FLT4: variants seen among roughly 807,000 people sequenced by gnomAD.
FLT4 encodes vascular endothelial growth factor receptor 3.
In FLT4, 30 loss-of-function variants were observed where a neutral mutation model predicts 163.2. That is an observed-to-expected ratio of 0.18 (90% CI 0.14 to 0.25). The LOEUF (loss-of-function observed/expected upper bound fraction) is 0.25, where lower values mean the gene tolerates loss of function less well. FLT4 is among the 10% of genes least tolerant of loss of function. The pLI is 1.00. For synonymous variants in FLT4, 884 were observed against 789.5 expected (o/e 1.12, Z -2.01); for missense variants, 1,510 against 1,863.8 (o/e 0.81, Z 3.50).
At chr5:180,635,926 T>TGGATGGAC (rs1162085096) in intron 1 of FLT4, among the ~76,000 whole-genome samples, 1 of 102,002 alleles carries the variant, frequency 9.8e-6, no homozygotes, top group East Asian at 3.0e-4. Context: ...GGTGGATGGA[T>TGGATGGAC]GGATGGACGG....
Position 180,603,128 on chromosome 5 carries a change from C to T in FLT4, c.*64G>A. The T allele has an allele frequency of 1.3e-6, 2 of 1,534,032 alleles. No homozygotes were observed. The highest frequency in any genetic ancestry group is 1.8e-6 in the Non-Finnish European group (2 of 1,112,256). The stretch of plus-strand genomic sequence containing the variant: ...CCAGATGAGTTCCCAGCCTGGGCCT[C>T]CAGCCCTCTGCCCGCCCTGCCGGGC... On this transcript the variant is annotated 3_prime_UTR_variant, in exon 30 of 30. Coordinates refer to ENST00000261937, the MANE Select transcript of FLT4 (RefSeq NM_182925.5).
chr5:180,603,437 G>A, intron 29 of FLT4, 47 bp from the exon 30 acceptor site: 1 of 1,568,208 alleles, frequency 6.4e-7, no homozygotes, highest in Non-Finnish European at 8.7e-7. Context: ...AAGGCTGGGT[G>A]GCGGGTGGTG....
rs34419336 is a variant in FLT4 at position 180,620,793 on chromosome 5, G to C, written c.2300-78C>G. On this transcript the variant is annotated intron_variant, in intron 15 of 29. Transcript: ENST00000261937. This position sits in a 1 kb window ranked among gnomAD's most constrained non-coding sequence, Gnocchi z 4.4. The stretch of plus-strand genomic sequence containing the variant: ...ACCTGCAGGCAGCACCCCTTCTGGT[G>C]GCCACGACTTGCCCAAGGTGGCCAC... 0.22 allele frequency: 351,627 copies of C among 1,600,870 alleles called. 40,520 individuals carry two copies. Among genetic ancestry groups the C allele is most frequent in the Middle Eastern group, 0.24 (1,337 of 5,570 alleles).
At chr5:180,640,868 C>T (rs541915050) in intron 1 of FLT4, among the ~76,000 whole-genome samples, 9 of 152,324 alleles carry the variant, frequency 5.9e-5, no homozygotes, top group African/African-American at 2.2e-4. Flanking sequence ...GGGACAGGGT[C>T]CCGGCCCTCT....
Position 180,625,980 on chromosome 5 carries a change from C to T in FLT4, c.1310G>A (p.Arg437His), listed in dbSNP as rs866937901. 8 of 1,612,596 alleles carry T rather than the reference C, an allele frequency of 5.0e-6. No homozygotes were observed. Among genetic ancestry groups the T allele is most frequent in the East Asian group, 2.2e-5 (1 of 44,888 alleles). The change falls in exon 10 of 30, where the codon CGT (arginine) becomes CAT (histidine). Residue 437 changes from arginine to histidine, a missense_variant. Around this residue, in one of 5 missense-constraint regions of FLT4, gnomAD observed 878 missense variants for 1,016.7 expected, o/e 0.86. Transcript: ENST00000261937. ...KEASSPSIYS[R>H]HSRQALTCTA... is the part of the protein sequence containing the mutation. ...GCAGGTGAGGGCCTGGCGGCTGTGA[C>T]GCGAGTAGATGCTGGGGGAGGAGGC...
intron 25 of FLT4, 118 bp from the exon 26 acceptor site, chr5:180,612,729 A>G: frequency 1.4e-6 from 1 of 730,834 alleles, no homozygotes; most frequent in East Asian, 2.7e-5. Flanking sequence ...CACGTCTCCC[A>G]CTCTTGTCCA....
At chr5:180,638,725 C>T (rs1435397964) in intron 1 of FLT4, among the ~76,000 whole-genome samples, 1 of 152,218 alleles carries the variant, frequency 6.6e-6, no homozygotes, top group Non-Finnish European at 1.5e-5. Flanking sequence ...ACTTCTCACG[C>T]TAAGGACTCA....
At chr5:180,606,543 A>C (rs893083821) in intron 29 of FLT4, among the ~76,000 whole-genome samples, 7 of 152,220 alleles carry the variant, frequency 4.6e-5, no homozygotes, top group Non-Finnish European at 8.8e-5. Context: ...TAGCTGAGCC[A>C]CAGGCCTGGG....
intron 1 of FLT4, among the ~76,000 whole-genome samples, chr5:180,646,781 G>A (rs937432229): frequency 2.0e-5 from 3 of 152,128 alleles, no homozygotes; most frequent in Admixed American, 1.3e-4. Context: ...TCCCTGGGTC[G>A]GGGTGCCACT....
At chr5:180,634,895 T>A (rs1764458307) in intron 1 of FLT4, among the ~76,000 whole-genome samples, 1 of 46,930 alleles carries the variant, frequency 2.1e-5, no homozygotes, top group Non-Finnish European at 4.3e-5. Flanking sequence ...GATGGATGCA[T>A]GGATGGATGG....
rs1163848821 is a variant in FLT4 at position 180,603,423 on chromosome 5, G to C, written c.3894-33C>G. Reference sequence around the variant, plus strand: ...GACAGGGAAGGTGGTGTTAGTAAGAGAAGAAGGCTGGGTGGCGGGTGGTGC... The same window carrying C: ...GACAGGGAAGGTGGTGTTAGTAAGACAAGAAGGCTGGGTGGCGGGTGGTGC... On this transcript the variant is annotated intron_variant, in intron 29 of 29. Transcript: ENST00000261937. 6 of 1,603,770 alleles carry C rather than the reference G, an allele frequency of 3.7e-6. No homozygotes were observed. In the African/African-American group the frequency reaches 5.4e-5, roughly 14 times the overall value.
Position 180,618,760 on chromosome 5 carries a change from A to G in FLT4, c.3001+10T>C. On this transcript the variant is annotated intron_variant, in intron 21 of 29. Coordinates refer to ENST00000261937, the MANE Select transcript of FLT4 (RefSeq NM_182925.5). ...AGGCACTAGGAAAAGGGAAGAGGCC[A>G]GGCTCTCACCTTCTTGGTCTGGAGA... The G allele has an allele frequency of 1.3e-6, 2 of 1,584,064 alleles. No individual in the cohort carries two copies. Among genetic ancestry groups the G allele is most frequent in the African/African-American group, 2.7e-5 (2 of 74,290 alleles).
At chr5:180,644,466 C>T (rs1765368945) in intron 1 of FLT4, among the ~76,000 whole-genome samples, 1 of 152,248 alleles carries the variant, frequency 6.6e-6, no homozygotes, top group African/African-American at 2.4e-5. Flanking sequence ...AGGGCATTCC[C>T]TGGGGAATGT....
intron 1 of FLT4, 57 bp from the exon 2 acceptor site, chr5:180,631,835 TG>T: frequency 8.0e-7 from 1 of 1,245,622 alleles, no homozygotes; most frequent in Non-Finnish European, 1.2e-6. Context: ...ACGACGTTGA[TG>T]GGGCATGGCT....
upstream of FLT4, among the ~76,000 whole-genome samples, chr5:180,650,295 T>A (rs575747101): frequency 4.2e-4 from 63 of 151,740 alleles, no homozygotes; most frequent in African/African-American, 1.4e-3. Context: ...ACCCCCTCCC[T>A]GCAGGCCTGG....
At chr5:180,606,920 C>A (rs10060637) in intron 29 of FLT4, among the ~76,000 whole-genome samples, 44,476 of 141,746 alleles carry the variant, frequency 0.31, 7,022 homozygotes, top group Middle Eastern at 0.41. Flanking sequence ...AAAAAACAAA[C>A]AAACAAACTT....
rs1036971726 is a variant in FLT4 at position 180,601,818 on chromosome 5, C to T, written c.*1374G>A. 16 of 232,598 alleles carry T rather than the reference C, an allele frequency of 6.9e-5. No individual in the cohort carries two copies. Among genetic ancestry groups the T allele is most frequent in the African/African-American group, 2.4e-4 (11 of 45,216 alleles). The allele number at this position is 232,598 out of a possible 1,614,324, so 14.4% of individuals were successfully genotyped here. On this transcript the variant is annotated 3_prime_UTR_variant, in exon 30 of 30. Transcript: ENST00000261937. The stretch of plus-strand genomic sequence containing the variant: ...GTGCACTCGGCATATCCTGGAGTAA[C>T]GCGCAGTGGGGGAGGTGGGGAGGGG...
rs755954734 is a variant in FLT4 at position 180,612,514 on chromosome 5, C to A, written c.3529G>T (p.Gly1177Cys). 2.5e-6 allele frequency: 4 copies of A among 1,612,850 alleles called. No individual in the cohort carries two copies. Among genetic ancestry groups the A allele is most frequent in the Non-Finnish European group, 3.4e-6 (4 of 1,178,876 alleles). Residue 1177 changes from glycine (G) to cysteine (C), a missense_variant, in exon 26 of 30, where the codon GGC becomes TGC. Physicochemically the swap from Gly to Cys is radical, Grantham distance 159. Around this residue, in one of 5 missense-constraint regions of FLT4, gnomAD observed 295 missense variants for 311.0 expected, o/e 0.95. Coordinates refer to ENST00000261937, the MANE Select transcript of FLT4 (RefSeq NM_182925.5). ...EILGDLLQGR[G>C]LQEEEEVCMA... ...GTGGGGAAGGGGCTCACTTGCAGGC[C>A]CCTGCCCTGGAGCAGGTCCCCCAGG...
At chr5:180,619,426 C>CTGGCCGCTTAGCTAAGGCACCG in intron 18 of FLT4, 60 bp from the exon 19 acceptor site, 3 of 1,390,156 alleles carry the variant, frequency 2.2e-6, no homozygotes, top group Non-Finnish European at 3.0e-6. Context: ...TTCCCCGCCA[C>CTGGCCGCTTAGCTAAGGCACCG]CCGGCGCTTT....
Sources: allele counts gnomAD v4.1 joint callset (sites outside exome capture counted in the v4.1 genomes callset), GRCh38; gene constraint gnomAD v4.1.1; regional missense constraint gnomAD v4.1.1; non-coding constraint Gnocchi (gnomAD v3.1); transcripts MANE v1.5; gene names NCBI Gene and HGNC (gene_info 2026-07-23, HGNC 2026-07-21).